The following ERGIC1 variants were observed in gnomAD, a reference collection of about 807,000 sequenced individuals.
ERGIC1 encodes endoplasmic reticulum-golgi intermediate compartment 1.
Under a neutral mutation model 38.3 loss-of-function variants are expected in ERGIC1, and 19 were observed. The observed-to-expected ratio is 0.50, with a 90% CI of 0.35 to 0.73. ERGIC1 has a LOEUF of 0.73. Ranked by LOEUF, ERGIC1 falls within the 30% of genes least tolerant of loss-of-function variation. The pLI, the probability that ERGIC1 is intolerant of heterozygous loss-of-function variation, is 0.01. For synonymous variants in ERGIC1, 124 were observed against 157.6 expected (o/e 0.79, Z 1.60); for missense variants, 294 against 389.2 (o/e 0.76, Z 2.06).
In ERGIC1 at chr5:172,846,184, T is replaced by G. The variant is rs534291048; in HGVS notation, c.20+11751T>G. Among the ~76,000 whole-genome samples the G allele has an allele frequency of 1.3e-5, 2 of 152,170 alleles. No homozygotes were observed. Among genetic ancestry groups the G allele is most frequent in the East Asian group, 3.8e-4 (2 of 5,196 alleles). On this transcript the variant is annotated intron_variant, in intron 1 of 9. Transcript: ENST00000393784. This position sits in a 1 kb window ranked among gnomAD's most constrained non-coding sequence, Gnocchi z 4.0. Reference sequence around the variant, plus strand: ...GTTAAGTCCTCATTTGGGTTGGTGGTCTTTCTCCCCCTCCCCCAATCCCCT... The same window carrying G: ...GTTAAGTCCTCATTTGGGTTGGTGGGCTTTCTCCCCCTCCCCCAATCCCCT...
chr5:172,907,231 C>G (rs10076129), intron 3 of ERGIC1, among the ~76,000 whole-genome samples: 102,376 of 152,070 alleles, frequency 0.67, 34,977 homozygotes, highest in Non-Finnish European at 0.74. Flanking sequence ...CGTGTGAGTG[C>G]GAGCCTGACC....
intron 1 of ERGIC1, among the ~76,000 whole-genome samples, chr5:172,863,028 CTGGAG>C (rs999450742): frequency 2.2e-4 from 33 of 152,218 alleles, no homozygotes; most frequent in African/African-American, 7.2e-4. Flanking sequence ...GTCACCCAGG[CTGGAG>C]TGCAGTGGTG....
chr5:172,887,615 A>G (rs1467805229), intron 1 of ERGIC1, among the ~76,000 whole-genome samples: 1 of 152,194 alleles, frequency 6.6e-6, no homozygotes, highest in Non-Finnish European at 1.5e-5. Flanking sequence ...AAATAGCTGA[A>G]GCAGAGCCAG....
chr5:172,924,786 T>A (rs1274166035), intron 6 of ERGIC1, among the ~76,000 whole-genome samples: 1 of 152,104 alleles, frequency 6.6e-6, no homozygotes, highest in Non-Finnish European at 1.5e-5. Context: ...GAACTTAGCT[T>A]AGGGCCCATC....
chr5:172,909,585 T>A, intron 3 of ERGIC1, 82 bp from the exon 4 acceptor site: 2 of 1,307,416 alleles, frequency 1.5e-6, no homozygotes, highest in Non-Finnish European at 2.2e-6. Flanking sequence ...GGTCACCAAG[T>A]GAAGTGATCC....
At chr5:172,922,841 T>G (rs989052726) in intron 5 of ERGIC1, among the ~76,000 whole-genome samples, 29 of 152,068 alleles carry the variant, frequency 1.9e-4, no homozygotes, top group South Asian at 4.2e-4. Context: ...ATCTTAACAG[T>G]CATTATTGGG....
intron 1 of ERGIC1, among the ~76,000 whole-genome samples, chr5:172,870,966 G>A (rs999202287): frequency 1.6e-4 from 25 of 152,198 alleles, no homozygotes; most frequent in African/African-American, 6.0e-4. Flanking sequence ...GCCAGCCCCT[G>A]GGGAACCCCA....
intron 1 of ERGIC1, among the ~76,000 whole-genome samples, chr5:172,881,891 C>A (rs1262550766): frequency 6.6e-6 from 1 of 152,210 alleles, no homozygotes; most frequent in Non-Finnish European, 1.5e-5. Context: ...TTTCCCTCCT[C>A]CATTCTCTTC....
intron 5 of ERGIC1, chr5:172,921,468 G>A (rs745952248): frequency 1.3e-5 from 2 of 152,210 alleles, no homozygotes; most frequent in Admixed American, 6.5e-5. Flanking sequence ...CCACAAGCTC[G>A]GGCCCTGCTG....
intron 4 of ERGIC1, among the ~76,000 whole-genome samples, chr5:172,911,197 C>T (rs933997775): frequency 2.0e-5 from 3 of 152,224 alleles, no homozygotes; most frequent in African/African-American, 7.2e-5. Context: ...AGTCTCAGCC[C>T]TGTCATTGCT....
intron 2 of ERGIC1, among the ~76,000 whole-genome samples, chr5:172,894,354 C>T (rs540600007): frequency 2.0e-5 from 3 of 151,598 alleles, no homozygotes; most frequent in African/African-American, 7.3e-5. Flanking sequence ...TGCCACAACA[C>T]CTGGCTAATT....
intron 3 of ERGIC1, among the ~76,000 whole-genome samples, chr5:172,899,103 A>G (rs1762806253): frequency 6.6e-6 from 1 of 152,148 alleles, no homozygotes; most frequent in African/African-American, 2.4e-5. Flanking sequence ...TGCTGAGACC[A>G]GGCACCAGGC....
At chr5:172,928,004 C>T (rs973655503) in intron 7 of ERGIC1, among the ~76,000 whole-genome samples, 2 of 152,108 alleles carry the variant, frequency 1.3e-5, no homozygotes, top group African/African-American at 2.4e-5. Context: ...GATAAGTATA[C>T]GGCAGCACCT....
At chr5:172,848,978 C>T (rs1476295617) in intron 1 of ERGIC1, among the ~76,000 whole-genome samples, 1 of 152,186 alleles carries the variant, frequency 6.6e-6, no homozygotes, top group Non-Finnish European at 1.5e-5. Context: ...CGTGCCAGCT[C>T]CCCTTGCTTG....
At chr5:172,847,235 C>A (rs1323262136) in intron 1 of ERGIC1, among the ~76,000 whole-genome samples, 5 of 152,012 alleles carry the variant, frequency 3.3e-5, no homozygotes, top group Admixed American at 3.3e-4. Context: ...AGGATGGGGA[C>A]AATTGGGTGG....
At chr5:172,884,363 T>G (rs1365573895) in intron 1 of ERGIC1, among the ~76,000 whole-genome samples, 2 of 149,700 alleles carry the variant, frequency 1.3e-5, no homozygotes, top group Non-Finnish European at 3.0e-5. Flanking sequence ...CACCTCAGCC[T>G]CTTGAGTAGC....
chr5:172,915,239 G>T (rs1561733960), intron 5 of ERGIC1: 1 of 597,884 alleles, frequency 1.7e-6, no homozygotes, highest in Middle Eastern at 4.1e-4. Flanking sequence ...CACAAAGTTT[G>T]TGTGGGGATT....
chr5:172,913,860 A>G (rs1427294721), intron 4 of ERGIC1, among the ~76,000 whole-genome samples: 2 of 152,124 alleles, frequency 1.3e-5, no homozygotes. Flanking sequence ...GGCGATGGGT[A>G]AAGGAAGGTG....
intron 1 of ERGIC1, among the ~76,000 whole-genome samples, chr5:172,836,004 C>T (rs184661984): frequency 1.9e-3 from 293 of 152,318 alleles, no homozygotes; most frequent in African/African-American, 6.3e-3. Flanking sequence ...GTGCCACCGC[C>T]GCCCCCTGCC....
Sources: allele counts gnomAD v4.1 joint callset (sites outside exome capture counted in the v4.1 genomes callset), GRCh38; gene constraint gnomAD v4.1.1; non-coding constraint Gnocchi (gnomAD v3.1); transcripts MANE v1.5; gene names NCBI Gene and HGNC (gene_info 2026-07-23, HGNC 2026-07-21).